The following ONECUT1 variants were observed in gnomAD, a reference collection of about 807,000 sequenced individuals.
ONECUT1 encodes the protein one cut homeobox 1, also known as hepatocyte nuclear factor 6.
A neutral mutation model predicts 25.6 loss-of-function variants in ONECUT1; 12 were observed. The ratio of observed to expected loss-of-function variants is 0.47; its 90% CI spans 0.30 to 0.76. ONECUT1 has a LOEUF of 0.76. Ranked by LOEUF, ONECUT1 falls within the 30% of genes least tolerant of loss-of-function variation. The pLI, the probability that ONECUT1 is intolerant of heterozygous loss-of-function variation, is 0.07. For missense variants in ONECUT1, 620 were observed against 651.2 expected (o/e 0.95, Z 0.52); for synonymous variants, 285 against 270.2 (o/e 1.05, Z -0.54).
At chr15:52,783,224 C>G (rs192898323) in intron 1 of ONECUT1, among the ~76,000 whole-genome samples, 1 of 152,112 alleles carries the variant, frequency 6.6e-6, no homozygotes, top group Non-Finnish European at 1.5e-5. Context: ...CACAGGGACG[C>G]GAATTCCGAT....
chr15:52,772,330 G>C (rs948429215), intron 1 of ONECUT1, among the ~76,000 whole-genome samples: 1 of 151,008 alleles, frequency 6.6e-6, no homozygotes, highest in East Asian at 2.0e-4. Context: ...GGATGCAGAG[G>C]TTGCAGTGAG....
intron 1 of ONECUT1, among the ~76,000 whole-genome samples, chr15:52,763,042 AAC>A (rs554642783): frequency 6.0e-4 from 91 of 152,350 alleles, no homozygotes; most frequent in African/African-American, 2.1e-3. Flanking sequence ...AGGGAAGAGC[AAC>A]ACACATGTTT....
chr15:52,772,686 T>C (rs2083775945), intron 1 of ONECUT1, among the ~76,000 whole-genome samples: 1 of 152,198 alleles, frequency 6.6e-6, no homozygotes, highest in African/African-American at 2.4e-5. Flanking sequence ...AACAAGGTTT[T>C]TGTGCCACTC....
chr15:52,783,509 G>T (rs1431443919), intron 1 of ONECUT1, among the ~76,000 whole-genome samples: 2 of 152,238 alleles, frequency 1.3e-5, no homozygotes, highest in Non-Finnish European at 2.9e-5. Context: ...ACCCTGTCCA[G>T]GGTCCTGACT....
In ONECUT1 at chr15:52,756,271, G is replaced by T. The variant is rs568210461; in HGVS notation, c.*1284C>A. Among the ~76,000 whole-genome samples, 1 of 152,248 alleles carries T rather than the reference G, an allele frequency of 6.6e-6. No homozygotes were observed. On this transcript the variant is annotated 3_prime_UTR_variant, in exon 2 of 2. Coordinates refer to ENST00000305901, the MANE Select transcript of ONECUT1 (RefSeq NM_004498.4). Reference sequence around the variant, plus strand: ...TTAGGATAGTTATAAGTACTGAATAGCTCATTTGAATAATAATGTTGTTTT... The same window carrying T: ...TTAGGATAGTTATAAGTACTGAATATCTCATTTGAATAATAATGTTGTTTT...
intron 1 of ONECUT1, among the ~76,000 whole-genome samples, chr15:52,779,770 T>C (rs2083828319): frequency 6.6e-6 from 1 of 152,226 alleles, no homozygotes; most frequent in Non-Finnish European, 1.5e-5. Flanking sequence ...CAAACTAGCC[T>C]CCGTGACTTG....
At chr15:52,760,083 AAGAG>A in intron 1 of ONECUT1, among the ~76,000 whole-genome samples, 1 of 152,318 alleles carries the variant, frequency 6.6e-6, no homozygotes, top group Middle Eastern at 3.4e-3. Context: ...TCAGTCATGA[AAGAG>A]AGATTTGTAG....
intron 1 of ONECUT1, among the ~76,000 whole-genome samples, chr15:52,760,134 G>A (rs1215981877): frequency 6.6e-6 from 1 of 152,152 alleles, no homozygotes; most frequent in East Asian, 1.9e-4. Flanking sequence ...AACATGTCCT[G>A]TAGGTCACTT....
Position 52,757,570 on chromosome 15 carries a change from A to G in ONECUT1, c.1383T>C (p.Thr461=), listed in dbSNP as rs1266457049. 6.2e-7 allele frequency: 1 copy of G among 1,612,942 alleles called. No homozygotes were observed. Among genetic ancestry groups the G allele is most frequent in the African/African-American group, 1.3e-5 (1 of 74,830 alleles). The part of the protein sequence containing the change: ...NSGNSSSSSS[T]CTKA ...GGTTCTTCCTTCATGCTTTGGTACA[A>G]GTGCTTGATGAAGAAGATGAGTTGC... Residue 461 remains threonine (T), a synonymous_variant, in exon 2 of 2, where the codon ACT becomes ACC. Transcript: ENST00000305901.
chr15:52,785,205 A>T (rs1242878888), intron 1 of ONECUT1, among the ~76,000 whole-genome samples: 2 of 152,096 alleles, frequency 1.3e-5, no homozygotes, highest in Non-Finnish European at 2.9e-5. Flanking sequence ...TTGAAATGTC[A>T]CCCCGGGATA....
At chr15:52,760,364 G>A (rs907517815) in intron 1 of ONECUT1, among the ~76,000 whole-genome samples, 6 of 152,124 alleles carry the variant, frequency 3.9e-5, no homozygotes, top group Admixed American at 2.6e-4. Context: ...GAGTCAGCCC[G>A]TGTGGACACA....
In ONECUT1 at chr15:52,789,263, G is replaced by A. The variant is rs2083899767; in HGVS notation, c.622C>T (p.Pro208Ser). 1 of 1,546,958 alleles carries A rather than the reference G, an allele frequency of 6.5e-7. No homozygotes were observed. Among genetic ancestry groups the A allele is most frequent in the African/African-American group, 1.4e-5 (1 of 73,074 alleles). Residue 208 changes from proline to serine, a missense_variant, in exon 1 of 2, where the codon CCC becomes TCC. By Grantham distance (74) the Pro-to-Ser change is moderately conservative (BLOSUM62 -1). Coordinates refer to ENST00000305901, the MANE Select transcript of ONECUT1 (RefSeq NM_004498.4). The surrounding 1 kb of genome is among the most constrained non-coding windows in gnomAD (Gnocchi z 4.1). ...PHYAHPGAAMPTDKMLTPNGF... is the reference protein window; with the variant it reads ...PHYAHPGAAMSTDKMLTPNGF... ...TTGGGGGTGAGCATCTTGTCGGTGG[G>A]CATGGCGGCCCCCGGGTGGGCATAG...
In ONECUT1 at chr15:52,777,737, C is replaced by CACA. The variant is rs57187579; in HGVS notation, c.1105+11042_1105+11043insTGT. ...ACACACACACACACACACACACACA[C>CACA]AAAAAAACATGTAAAGTTATTTGTT... On this transcript the variant is annotated intron_variant, in intron 1 of 1. Transcript: ENST00000305901. Among the ~76,000 whole-genome samples the CACA allele has an allele frequency of 4.6e-4, 48 of 103,450 alleles. 1 individual carries two copies. The highest frequency in any genetic ancestry group is 1.9e-3 in the African/African-American group (44 of 22,586). The allele number at this position is 103,450 out of a possible 152,430, so 67.9% of individuals were successfully genotyped here.
At chr15:52,767,167 G>A (rs1455162171) in intron 1 of ONECUT1, among the ~76,000 whole-genome samples, 1 of 152,112 alleles carries the variant, frequency 6.6e-6, no homozygotes, top group Non-Finnish European at 1.5e-5. Flanking sequence ...GTACAGCTGG[G>A]ATTTGAGCCA....
chr15:52,780,626 T>C (rs2083834712), intron 1 of ONECUT1: 10 of 1,535,374 alleles, frequency 6.5e-6, no homozygotes, highest in Non-Finnish European at 8.7e-6. Context: ...ACTCCATCAA[T>C]ACTCGAATCG....
intron 1 of ONECUT1, among the ~76,000 whole-genome samples, chr15:52,781,486 T>C (rs760152410): frequency 6.6e-6 from 1 of 152,204 alleles, no homozygotes; most frequent in Non-Finnish European, 1.5e-5. Flanking sequence ...ACATTCTGAC[T>C]CCACTAACCT....
intron 1 of ONECUT1, among the ~76,000 whole-genome samples, chr15:52,776,010 C>G (rs910820671): frequency 6.6e-6 from 1 of 152,198 alleles, no homozygotes; most frequent in Non-Finnish European, 1.5e-5. Flanking sequence ...TTCTTCAGGG[C>G]TCCTTGTACC....
rs2083891863 is a variant in ONECUT1 at position 52,788,508 on chromosome 15, G to A, written c.1105+272C>T. On this transcript the variant is annotated intron_variant, in intron 1 of 1. Transcript: ENST00000305901. This position sits in a 1 kb window ranked among gnomAD's most constrained non-coding sequence, Gnocchi z 4.3. ...GCCTCAGGCCGTACGAGCTTCCCTC[G>A]CTGTCCCTGAGCGCAAATGAGCCTC... The A allele has an allele frequency of 4.5e-6, 2 of 439,652 alleles. No homozygotes were observed. Among genetic ancestry groups the A allele is most frequent in the Non-Finnish European group, 8.1e-6 (2 of 245,692 alleles). The allele number at this position is 439,652 out of a possible 1,614,324, so 27.2% of individuals were successfully genotyped here.
Position 52,756,998 on chromosome 15 carries a change from A to C in ONECUT1, c.*557T>G, listed in dbSNP as rs185273112. 1 of 152,498 alleles carries C rather than the reference A, an allele frequency of 6.6e-6. No homozygotes were observed. Among genetic ancestry groups the C allele is most frequent in the African/African-American group, 2.4e-5 (1 of 41,534 alleles). 9.4% of individuals were successfully genotyped at this position (152,498 alleles called of 1,614,324 possible). A position where few individuals can be genotyped will look rare whatever the true frequency, so the allele number is the denominator to read the frequency against. On this transcript the variant is annotated 3_prime_UTR_variant, in exon 2 of 2. Coordinates refer to ENST00000305901, the MANE Select transcript of ONECUT1 (RefSeq NM_004498.4). ...TTTTCTTTGCTGGGTTTGAATCTGC[A>C]TTTAGGTTGCGGGCCTGGCAGGTTC...
Sources: allele counts gnomAD v4.1 joint callset (sites outside exome capture counted in the v4.1 genomes callset), GRCh38; gene constraint gnomAD v4.1.1; non-coding constraint Gnocchi (gnomAD v3.1); transcripts MANE v1.5; gene names NCBI Gene and HGNC (gene_info 2026-07-23, HGNC 2026-07-21).